Variants in IGF2BP3 observed in about 807,000 individuals in gnomAD.
IGF2BP3 encodes the protein insulin like growth factor 2 mRNA binding protein 3.
In IGF2BP3, 9 loss-of-function variants were observed where a neutral mutation model predicts 73.8. The observed-to-expected ratio is 0.12, with a 90% CI of 0.07 to 0.21. The LOEUF (loss-of-function observed/expected upper bound fraction) is 0.21. IGF2BP3 is among the 10% of genes least tolerant of loss of function. The pLI is 1.00. For synonymous variants in IGF2BP3, 258 were observed against 256.7 expected (o/e 1.01, Z -0.05); for missense variants, 542 against 714.0 (o/e 0.76, Z 2.75).
At chr7:23,373,296 T>G (rs1785614523) in intron 3 of IGF2BP3, among the ~76,000 whole-genome samples, 1 of 152,228 alleles carries the variant, frequency 6.6e-6, no homozygotes, top group South Asian at 2.1e-4. Flanking sequence ...AGGTGGTTTT[T>G]GAACCACCTG....
At chr7:23,447,573 G>C (rs1323641998) in intron 2 of IGF2BP3, among the ~76,000 whole-genome samples, 1 of 151,374 alleles carries the variant, frequency 6.6e-6, no homozygotes, top group Non-Finnish European at 1.5e-5. Context: ...GCAGCCAGCC[G>C]AGATCCCACC....
At chr7:23,355,335 C>T (rs1448735485) in intron 5 of IGF2BP3, among the ~76,000 whole-genome samples, 1 of 151,860 alleles carries the variant, frequency 6.6e-6, no homozygotes, top group African/African-American at 2.4e-5. Context: ...AGCAATTCTC[C>T]TTCCTCCTCC....
chr7:23,324,430 T>C (rs1253793542), intron 10 of IGF2BP3, among the ~76,000 whole-genome samples: 2 of 148,088 alleles, frequency 1.4e-5, no homozygotes, highest in Admixed American at 6.8e-5. Flanking sequence ...CAATAATCAA[T>C]AGCTTACCAA....
chr7:23,403,983 T>G (rs573185764), intron 3 of IGF2BP3, among the ~76,000 whole-genome samples: 1 of 151,766 alleles, frequency 6.6e-6, no homozygotes, highest in African/African-American at 2.4e-5. Flanking sequence ...ATTTTTTTTT[T>G]TTTAAATTAA....
intron 2 of IGF2BP3, among the ~76,000 whole-genome samples, chr7:23,466,890 G>A (rs1032267826): frequency 6.6e-6 from 1 of 152,160 alleles, no homozygotes; most frequent in Admixed American, 6.5e-5. Context: ...AGTCCTTGAG[G>A]CACAACCATT....
At chr7:23,379,555 A>G (rs1414733774) in intron 3 of IGF2BP3, among the ~76,000 whole-genome samples, 1 of 152,244 alleles carries the variant, frequency 6.6e-6, no homozygotes, top group African/African-American at 2.4e-5. Context: ...TCCATTAATA[A>G]TCAAGGAGAA....
chr7:23,443,030 A>G (rs1257155488), intron 2 of IGF2BP3, among the ~76,000 whole-genome samples: 4 of 151,744 alleles, frequency 2.6e-5, no homozygotes, highest in Non-Finnish European at 5.9e-5. Context: ...AAATATTAAT[A>G]CTGAAACACA....
Position 23,329,005 on chromosome 7 carries a change from C to T in IGF2BP3, c.1204-9751G>A, listed in dbSNP as rs552859727. Among the ~76,000 whole-genome samples, 31 of 152,062 alleles carry T rather than the reference C, an allele frequency of 2.0e-4. 1 individual carries two copies. Among genetic ancestry groups the T allele is most frequent in the African/African-American group, 6.3e-4 (26 of 41,490 alleles). ...CAGGAGGATCACGAGGTCCGGAGAT[C>T]GAGACCATCCTGGCTAACACCGTGA... On this transcript the variant is annotated intron_variant, in intron 10 of 14. Transcript: ENST00000258729.
chr7:23,329,170 G>A (rs1052571446), intron 10 of IGF2BP3, among the ~76,000 whole-genome samples: 3 of 151,382 alleles, frequency 2.0e-5, no homozygotes, highest in East Asian at 3.9e-4. Flanking sequence ...CAGAGATCAC[G>A]CCATTGCACT....
intron 2 of IGF2BP3, among the ~76,000 whole-genome samples, chr7:23,467,063 T>C (rs1194343551): frequency 6.6e-6 from 1 of 152,232 alleles, no homozygotes; most frequent in Non-Finnish European, 1.5e-5. Context: ...TTTCAATTCT[T>C]GTTAAACCAA....
chr7:23,394,691 G>A (rs1358464940), intron 3 of IGF2BP3: 2 of 152,186 alleles, frequency 1.3e-5, no homozygotes, highest in Non-Finnish European at 2.9e-5. Context: ...GCTGTCTCTG[G>A]TAGCCAAGGG....
At chr7:23,412,059 T>C (rs1386993650) in intron 3 of IGF2BP3, among the ~76,000 whole-genome samples, 1 of 142,894 alleles carries the variant, frequency 7.0e-6, no homozygotes, top group Non-Finnish European at 1.5e-5. Flanking sequence ...TTCAGCTCAC[T>C]GCAACCTCTG....
At chr7:23,316,381 T>A (rs891149059) in intron 12 of IGF2BP3, among the ~76,000 whole-genome samples, 1 of 151,984 alleles carries the variant, frequency 6.6e-6, no homozygotes, top group Non-Finnish European at 1.5e-5. Flanking sequence ...ACTTTAAGGC[T>A]AAAAAAACTA....
chr7:23,469,942 G>C lies in IGF2BP3; in HGVS notation c.169C>G (p.Leu57Val). Reference protein sequence around the residue: ...ESWALKAIEALSGKIELHGKP... With the variant: ...ESWALKAIEAVSGKIELHGKP... The stretch of plus-strand genomic sequence containing the variant: ...GGGCCAGGCCCGGGCCCACCTGAAA[G>C]CGCCTCGATGGCCTTGAGGGCCCAG... The change falls in exon 1 of 15, where the codon CTT becomes GTT. Residue 57 changes from leucine (L) to valine (V), a missense_variant. By Grantham distance (32) the Leu-to-Val change is conservative (BLOSUM62 1). This residue lies in a region of IGF2BP3 where 239 missense variants were observed against 241.9 expected (regional missense o/e 0.99). Transcript: ENST00000258729. The surrounding 1 kb of genome is among the most constrained non-coding windows in gnomAD (Gnocchi z 6.1). The C allele has an allele frequency of 6.2e-7, 1 of 1,608,958 alleles. No homozygotes were observed. The highest frequency in any genetic ancestry group is 8.5e-7 in the Non-Finnish European group (1 of 1,178,430).
chr7:23,453,779 T>C (rs1788253863), intron 2 of IGF2BP3, among the ~76,000 whole-genome samples: 2 of 152,208 alleles, frequency 1.3e-5, no homozygotes, highest in African/African-American at 2.4e-5. Flanking sequence ...TCCAACCTCA[T>C]AGGCAGAAAA....
chr7:23,325,708 C>A (rs921595894), intron 10 of IGF2BP3, among the ~76,000 whole-genome samples: 1 of 152,188 alleles, frequency 6.6e-6, no homozygotes, highest in Admixed American at 6.5e-5. Context: ...CAGCATGGGA[C>A]TGGTACCAAA....
At chr7:23,361,377 C>T in intron 5 of IGF2BP3, 157 bp downstream of exon 5, 2 of 586,962 alleles carry the variant, frequency 3.4e-6, no homozygotes, top group South Asian at 4.3e-5. Flanking sequence ...ACTAGACATT[C>T]AAACTTAAAA....
At chr7:23,346,095 T>G in intron 7 of IGF2BP3, 33 bp from the exon 8 acceptor site, 2 of 1,586,372 alleles carry the variant, frequency 1.3e-6, no homozygotes, top group Non-Finnish European at 1.7e-6. Flanking sequence ...AAAATTAGAA[T>G]AAGTAAACCT....
chr7:23,392,397 T>G (rs1786304955), intron 3 of IGF2BP3, among the ~76,000 whole-genome samples: 1 of 94,020 alleles, frequency 1.1e-5, no homozygotes, highest in Non-Finnish European at 2.0e-5. Context: ...GAAAACCATT[T>G]GGAAGAAAAA....
Sources: gnomAD v4.1 joint callset for allele counts (sites outside exome capture counted in the v4.1 genomes callset) on GRCh38, gnomAD v4.1.1 for gene constraint, gnomAD v4.1.1 regional missense constraint, Gnocchi (gnomAD v3.1) non-coding constraint, MANE v1.5 for transcripts, NCBI Gene and HGNC (gene_info 2026-07-23, HGNC 2026-07-21) for gene names.